Variants in SLIRP observed in about 807,000 individuals in gnomAD.
SLIRP encodes the protein SRA stem-loop interacting RNA binding protein.
Under a neutral mutation model 13.4 loss-of-function variants are expected in SLIRP, and 12 were observed. The observed-to-expected ratio is 0.89, with a 90% confidence interval of 0.57 to 1.45. The LOEUF is 1.45. Among genes scored for constraint, SLIRP ranks in the 40% most tolerant of loss-of-function variants. The pLI, the probability that SLIRP is intolerant of heterozygous loss-of-function variation, is 0.00. For synonymous variants in SLIRP, 55 were observed against 47.1 expected (o/e 1.17, Z -0.69); for missense variants, 154 against 132.2 (o/e 1.17, Z -0.81).
intron 1 of SLIRP, among the ~76,000 whole-genome samples, chr14:77,708,586 G>C (rs2080414866): frequency 6.6e-6 from 1 of 152,206 alleles, no homozygotes; most frequent in African/African-American, 2.4e-5. Context: ...GTGAGGACCT[G>C]AATTAGGGCG....
intron 2 of SLIRP, among the ~76,000 whole-genome samples, chr14:77,713,714 T>G (rs745478917): frequency 3.3e-5 from 5 of 152,216 alleles, no homozygotes; most frequent in Non-Finnish European, 4.4e-5. Flanking sequence ...TGGGATTGAT[T>G]AGATATTAAG....
chr14:77,714,346 G>A (rs1362555116), intron 2 of SLIRP, among the ~76,000 whole-genome samples: 1 of 152,168 alleles, frequency 6.6e-6, no homozygotes, highest in Non-Finnish European at 1.5e-5. Flanking sequence ...TGTCGCCCAG[G>A]CTGGAGTGCA....
chr14:77,712,205 G>A (rs1437143457), intron 2 of SLIRP, among the ~76,000 whole-genome samples: 5 of 151,840 alleles, frequency 3.3e-5, no homozygotes, highest in Non-Finnish European at 7.4e-5. Context: ...GGGCTGTGGT[G>A]TGTCTCATCA....
At chr14:77,712,792 C>G (rs2080451072) in intron 2 of SLIRP, among the ~76,000 whole-genome samples, 1 of 152,066 alleles carries the variant, frequency 6.6e-6, no homozygotes, top group Non-Finnish European at 1.5e-5. Flanking sequence ...TCTTGTTGAC[C>G]TTTGGCTCTG....
intron 1 of SLIRP, 165 bp from the exon 2 acceptor site, chr14:77,710,673 A>T: frequency 3.2e-6 from 5 of 1,547,060 alleles, no homozygotes; most frequent in Non-Finnish European, 4.4e-6. Flanking sequence ...CTGGTACATT[A>T]TGGCTTTATA....
At chr14:77,716,571 G>A (rs1449711558) in intron 3 of SLIRP, among the ~76,000 whole-genome samples, 2 of 141,610 alleles carry the variant, frequency 1.4e-5, no homozygotes, top group African/African-American at 5.3e-5. Context: ...GAACCCAAGA[G>A]ACAGAGGTTG....
At chr14:77,713,254 G>A (rs1027952909) in intron 2 of SLIRP, among the ~76,000 whole-genome samples, 4 of 152,032 alleles carry the variant, frequency 2.6e-5, no homozygotes, top group African/African-American at 9.7e-5. Flanking sequence ...TCTTGTGAGG[G>A]TTTAGAAATC....
chr14:77,715,824 A>G lies in SLIRP; in HGVS notation c.209A>G (p.Glu70Gly). 6.2e-7 allele frequency: 1 copy of G among 1,614,050 alleles called. No individual in the cohort carries two copies. The highest frequency in any genetic ancestry group is 8.5e-7 in the Non-Finnish European group (1 of 1,179,956). The change falls in exon 3 of 4, where the codon GAA (glutamate) becomes GGA (glycine). Residue 70 changes from glutamate (E) to glycine (G), a missense_variant. Coordinates refer to ENST00000557342, the MANE Select transcript of SLIRP (RefSeq NM_031210.6). The part of the protein sequence containing the change: ...RGLGWVQFSS[E>G]EGLRNALQQE... The stretch of plus-strand genomic sequence containing the variant: ...TTGGGTTGGGTTCAGTTTTCTTCAG[A>G]AGAAGGACTTCGGAATGCACTACAA...
chr14:77,713,425 C>T (rs1160589030), intron 2 of SLIRP, among the ~76,000 whole-genome samples: 2 of 152,038 alleles, frequency 1.3e-5, no homozygotes, highest in Non-Finnish European at 2.9e-5. Flanking sequence ...ATTCTTAATT[C>T]TTGGTTTAAT....
chr14:77,715,251 T>C (rs1176595912), intron 2 of SLIRP, among the ~76,000 whole-genome samples: 2 of 152,114 alleles, frequency 1.3e-5, no homozygotes, highest in Non-Finnish European at 2.9e-5. Flanking sequence ...TCTTCTCTAA[T>C]GGCAGCAAGG....
At chr14:77,711,901 T>TC (rs2080443471) in intron 2 of SLIRP, 1 of 153,518 alleles carries the variant, frequency 6.5e-6, no homozygotes. Flanking sequence ...CCCAGGCTGA[T>TC]CTTGAACTCC....
chr14:77,708,491 C>A lies in SLIRP; in HGVS notation c.97+283C>A, dbSNP rs146630506. Among the ~76,000 whole-genome samples, 47 of 152,196 alleles carry A rather than the reference C, an allele frequency of 3.1e-4. No homozygotes were observed. The East Asian group carries it at 8.9e-3, about 29-fold the overall frequency. ...TACAATTTAGAAGGGATAATTTTGA[C>A]TGTAGTGTGGAGGATGGATTCAAGG... On this transcript the variant is annotated intron_variant, in intron 1 of 3. Transcript: ENST00000557342.
chr14:77,711,554 T>C (rs2080440787), intron 2 of SLIRP, among the ~76,000 whole-genome samples: 1 of 151,896 alleles, frequency 6.6e-6, no homozygotes, highest in African/African-American at 2.4e-5. Flanking sequence ...GAAAATTTTT[T>C]TAATTTTCAT....
chr14:77,713,099 C>G (rs997555281), intron 2 of SLIRP, among the ~76,000 whole-genome samples: 1 of 152,140 alleles, frequency 6.6e-6, no homozygotes, highest in African/African-American at 2.4e-5. Context: ...AGAATTCTGC[C>G]TACTACAGTA....
intron 1 of SLIRP, among the ~76,000 whole-genome samples, chr14:77,708,450 C>CACCA: frequency 6.6e-6 from 1 of 152,300 alleles, no homozygotes; most frequent in East Asian, 1.9e-4. Flanking sequence ...AGATTTATTA[C>CACCA]TTGGTAACCA....
chr14:77,713,847 T>C (rs905964347), intron 2 of SLIRP, among the ~76,000 whole-genome samples: 3 of 152,112 alleles, frequency 2.0e-5, no homozygotes, highest in Non-Finnish European at 4.4e-5. Flanking sequence ...AATAAAAAGT[T>C]CCTTGCAAAA....
At chr14:77,709,387 C>T (rs1185818745) in intron 1 of SLIRP, among the ~76,000 whole-genome samples, 4 of 152,088 alleles carry the variant, frequency 2.6e-5, no homozygotes, top group East Asian at 3.9e-4. Context: ...TGGTTTGTGC[C>T]CCGTGTTTTA....
At chr14:77,712,491 C>T (rs1466423917) in intron 2 of SLIRP, among the ~76,000 whole-genome samples, 3 of 125,788 alleles carry the variant, frequency 2.4e-5, no homozygotes, top group Non-Finnish European at 4.7e-5. Context: ...GTGGCCTAGG[C>T]TGGAGTGCAG....
rs1424959127 is a variant in SLIRP at position 77,708,192 on chromosome 14, T to A, written c.81T>A (p.Pro27=). 6 of 1,614,216 alleles carry A rather than the reference T, an allele frequency of 3.7e-6. No homozygotes were observed. The highest frequency in any genetic ancestry group is 5.1e-6 in the Non-Finnish European group (6 of 1,180,040). ...CGGTTGCTTTTGTGAGAAGAATTCCTTGGACTGCGGCGTCGAGTGAGTGAT... is the reference window on the plus strand; with the variant it reads ...CGGTTGCTTTTGTGAGAAGAATTCCATGGACTGCGGCGTCGAGTGAGTGAT... The part of the protein sequence containing the change: ...NQPVAFVRRI[P]WTAASSQLKE... The change falls in exon 1 of 4, where the codon CCT becomes CCA. Residue 27 remains proline (P), a synonymous_variant. Transcript: ENST00000557342.
Sources: gnomAD v4.1 joint callset for allele counts (sites outside exome capture counted in the v4.1 genomes callset) on GRCh38, gnomAD v4.1.1 for gene constraint, MANE v1.5 for transcripts, NCBI Gene and HGNC (gene_info 2026-07-23, HGNC 2026-07-21) for gene names.